RAPGEF2: variants seen among roughly 807,000 people sequenced by gnomAD.
RAPGEF2 encodes the protein Rap guanine nucleotide exchange factor 2, also known as PDZ domain containing guanine nucleotide exchange factor (GEF) 1.
In RAPGEF2, 54 loss-of-function variants were observed where a neutral mutation model predicts 186.7. The observed-to-expected ratio is 0.29, with a 90% CI of 0.23 to 0.36. RAPGEF2 has a LOEUF of 0.36. Among genes scored for constraint, RAPGEF2 ranks in the 10% least tolerant of loss-of-function variants. RAPGEF2 has a pLI of 1.00. For synonymous variants in RAPGEF2, 712 were observed against 705.9 expected (o/e 1.01, Z -0.14); for missense variants, 1,532 against 2,045.0 (o/e 0.75, Z 4.84).
intron 7 of RAPGEF2, among the ~76,000 whole-genome samples, chr4:159,277,063 TC>T (rs1758990419): frequency 7.0e-6 from 1 of 141,848 alleles, no homozygotes; most frequent in African/African-American, 2.6e-5. Context: ...CCTAATGCTA[TC>T]CCTCCCCCCT....
chr4:159,163,782 AG>A (rs1182755540), intron 1 of RAPGEF2, among the ~76,000 whole-genome samples: 1 of 151,164 alleles, frequency 6.6e-6, no homozygotes, highest in African/African-American at 2.5e-5. Flanking sequence ...AATGCCAAGA[AG>A]GGGTTACTGA....
intron 5 of RAPGEF2, among the ~76,000 whole-genome samples, chr4:159,240,076 T>G (rs943367216): frequency 3.3e-5 from 5 of 152,188 alleles, no homozygotes; most frequent in Non-Finnish European, 7.3e-5. Context: ...TAGGCAGATA[T>G]ATAGCACTTT....
intron 7 of RAPGEF2, among the ~76,000 whole-genome samples, chr4:159,281,735 ATTATT>A (rs905106923): frequency 3.3e-5 from 5 of 151,838 alleles, no homozygotes; most frequent in Admixed American, 6.6e-5. Flanking sequence ...AATAATTAAA[ATTATT>A]TTATTAAGTG....
intron 10 of RAPGEF2, 100 bp downstream of exon 10, chr4:159,322,583 C>A: frequency 1.1e-6 from 1 of 922,676 alleles, no homozygotes; most frequent in Non-Finnish European, 1.7e-6. Context: ...TTTTTAATAC[C>A]CAACAACAGT....
At chr4:159,336,309 A>G (rs927363324) in intron 17 of RAPGEF2, among the ~76,000 whole-genome samples, 2 of 152,018 alleles carry the variant, frequency 1.3e-5, no homozygotes. Context: ...ACTTTGTTTA[A>G]TCCCTGGCCC....
intron 7 of RAPGEF2, among the ~76,000 whole-genome samples, chr4:159,284,765 C>T (rs920836815): frequency 6.6e-6 from 1 of 152,194 alleles, no homozygotes; most frequent in African/African-American, 2.4e-5. Flanking sequence ...TTAACTTACT[C>T]TTCTACCTGG....
At chr4:159,340,647 A>C (rs1561311810) in intron 19 of RAPGEF2, among the ~76,000 whole-genome samples, 1 of 150,008 alleles carries the variant, frequency 6.7e-6, no homozygotes, top group Non-Finnish European at 1.5e-5. Context: ...AAAACAAAAC[A>C]AAAAATACCA....
chr4:159,144,879 G>GTTTTTTTTTTTTTTTTTTTTTTTTTTT (rs137978885), intron 1 of RAPGEF2, among the ~76,000 whole-genome samples: 1 of 92,338 alleles, frequency 1.1e-5, no homozygotes. Flanking sequence ...CTTTCTTCCT[G>GTTTTTTTTTTTTTTTTTTTTTTTTTTT]TTTTTTTTTT....
At chr4:159,354,307 A>G (rs1372174873) in intron 28 of RAPGEF2, among the ~76,000 whole-genome samples, 1 of 152,188 alleles carries the variant, frequency 6.6e-6, no homozygotes, top group African/African-American at 2.4e-5. Context: ...GTAGATTGTC[A>G]TTGTGAATAT....
intron 4 of RAPGEF2, among the ~76,000 whole-genome samples, chr4:159,222,263 G>A (rs1751617125): frequency 1.3e-5 from 2 of 152,174 alleles, no homozygotes; most frequent in African/African-American, 4.8e-5. Flanking sequence ...ACATATAAAT[G>A]CAGGCTTCTG....
chr4:159,260,970 G>A (rs190796911), intron 7 of RAPGEF2, among the ~76,000 whole-genome samples: 232 of 152,218 alleles, frequency 1.5e-3, no homozygotes, highest in African/African-American at 5.4e-3. Context: ...GGCTGGTCTC[G>A]AACTCCTGAC....
At chr4:159,104,489 CGAGAGA>C (rs553251268) in intron 1 of RAPGEF2, among the ~76,000 whole-genome samples, 3,337 of 88,760 alleles carry the variant, frequency 0.038, 73 homozygotes, top group South Asian at 0.077. Context: ...GTTGCCCAGC[CGAGAGA>C]GAGAGAGAGA....
intron 4 of RAPGEF2, among the ~76,000 whole-genome samples, chr4:159,213,111 A>G (rs1324202912): frequency 1.3e-5 from 2 of 152,226 alleles, no homozygotes; most frequent in South Asian, 2.1e-4. Flanking sequence ...ACAAGCCAGT[A>G]CTATATATAG....
chr4:159,331,285 CATT>C, intron 13 of RAPGEF2, 143 bp from the exon 14 acceptor site: 1 of 567,194 alleles, frequency 1.8e-6, no homozygotes, highest in Admixed American at 3.4e-5. Flanking sequence ...AGGTCATCCT[CATT>C]TAAGATTTTA....
intron 8 of RAPGEF2, among the ~76,000 whole-genome samples, chr4:159,313,116 C>T (rs1764143960): frequency 6.6e-6 from 1 of 151,810 alleles, no homozygotes; most frequent in Non-Finnish European, 1.5e-5. Flanking sequence ...CCATTGCACT[C>T]CAGCCTGGGC....
chr4:159,282,802 A>G (rs541409281), intron 7 of RAPGEF2, among the ~76,000 whole-genome samples: 4 of 152,162 alleles, frequency 2.6e-5, no homozygotes, highest in African/African-American at 9.7e-5. Context: ...TATGCTATAC[A>G]GTGTTTTTCT....
intron 1 of RAPGEF2, among the ~76,000 whole-genome samples, chr4:159,184,640 T>C (rs1288470204): frequency 6.6e-6 from 1 of 152,230 alleles, no homozygotes. Context: ...TTCTGGATAT[T>C]AGCCCTTTGT....
chr4:159,198,257 TTTCTCTTTCTTTCC>T lies in RAPGEF2; in HGVS notation c.197+5006_197+5019del, dbSNP rs1367028422. On this transcript the variant is annotated intron_variant, in intron 3 of 29. Transcript: ENST00000691494. ...TTTTCTTTCTTTCTTCCTTTCTTTC[TTTCTCTTTCTTTCC>T]TTCTTTCTTTCTTTCTTTCTTTCTT... 3.2e-4 allele frequency among the ~76,000 whole-genome samples: 32 copies of T among 99,602 alleles called. 1 individual carries two copies. Among genetic ancestry groups the T allele is most frequent in the South Asian group, 6.2e-4 (2 of 3,210 alleles). The allele number at this position is 99,602 out of a possible 152,430, so 65.3% of individuals were successfully genotyped here.
At chr4:159,297,250 A>C (rs1161725863) in intron 7 of RAPGEF2, among the ~76,000 whole-genome samples, 6 of 152,258 alleles carry the variant, frequency 3.9e-5, no homozygotes, top group East Asian at 1.9e-4. Context: ...CCCAACCCCC[A>C]AAAAAACACA....
Sources: allele counts gnomAD v4.1 joint callset (sites outside exome capture counted in the v4.1 genomes callset), GRCh38; gene constraint gnomAD v4.1.1; transcripts MANE v1.5; gene names NCBI Gene and HGNC (gene_info 2026-07-23, HGNC 2026-07-21).